Variants in FAM171A1 observed in about 807,000 individuals in gnomAD.
FAM171A1 encodes protein FAM171A1.
In FAM171A1, 23 loss-of-function variants were observed where a neutral mutation model predicts 74.9. The observed-to-expected ratio is 0.31, with a 90% confidence interval of 0.22 to 0.44. The LOEUF (loss-of-function observed/expected upper bound fraction) is 0.44, where lower values mean the gene tolerates loss of function less well. Among genes scored for constraint, FAM171A1 ranks in the 20% least tolerant of loss-of-function variants. The pLI, the probability that FAM171A1 is intolerant of heterozygous loss-of-function variation, is 1.00. For missense variants in FAM171A1, 1,162 were observed against 1,159.2 expected (o/e 1.00, Z -0.03); for synonymous variants, 527 against 505.7 (o/e 1.04, Z -0.57).
intron 1 of FAM171A1, among the ~76,000 whole-genome samples, chr10:15,305,164 T>C (rs1409900014): frequency 6.6e-6 from 1 of 152,218 alleles, no homozygotes; most frequent in Non-Finnish European, 1.5e-5. Flanking sequence ...AGATACGCCA[T>C]GAACAAGGTA....
At chr10:15,320,163 C>T (rs1481548565) in intron 1 of FAM171A1, among the ~76,000 whole-genome samples, 1 of 152,204 alleles carries the variant, frequency 6.6e-6, no homozygotes, top group African/African-American at 2.4e-5. Context: ...TGTCTCTTCC[C>T]TTCTTTGTGT....
intron 1 of FAM171A1, among the ~76,000 whole-genome samples, chr10:15,358,351 A>C (rs138055958): frequency 6.6e-6 from 1 of 152,340 alleles, no homozygotes. Flanking sequence ...GGTATTTCAC[A>C]CTTATTTCAG....
chr10:15,244,713 T>C (rs1164259189), intron 5 of FAM171A1, among the ~76,000 whole-genome samples: 3 of 152,048 alleles, frequency 2.0e-5, no homozygotes, highest in Non-Finnish European at 4.4e-5. Context: ...AGGGAGTGGC[T>C]GGTACCTGCA....
chr10:15,269,974 G>A (rs1278231469), intron 3 of FAM171A1, among the ~76,000 whole-genome samples: 2 of 152,212 alleles, frequency 1.3e-5, no homozygotes, highest in Admixed American at 6.5e-5. Context: ...CTCCCAAGGT[G>A]AGCGATGCAG....
chr10:15,356,017 CATTTGATG>C (rs1835928030), intron 1 of FAM171A1, among the ~76,000 whole-genome samples: 1 of 151,870 alleles, frequency 6.6e-6, no homozygotes, highest in Non-Finnish European at 1.5e-5. Flanking sequence ...ATCATTTGAT[CATTTGATG>C]GGCTAATAGA....
At position 15,350,029 on chromosome 10, in the gene FAM171A1, T is replaced by C. The variant is rs185484309; in HGVS notation, c.97+20927A>G. On this transcript the variant is annotated intron_variant, in intron 1 of 7. Transcript: ENST00000378116. Reference sequence around the variant, plus strand: ...TGGGTGAAGACGAATGATAATAATCTGTGAGAGGGAGATAGATCAGACACG... The same window carrying C: ...TGGGTGAAGACGAATGATAATAATCCGTGAGAGGGAGATAGATCAGACACG... Among the ~76,000 whole-genome samples the C allele has an allele frequency of 1.9e-3, 284 of 152,048 alleles. 3 individuals are homozygous for C. Among genetic ancestry groups the C allele is most frequent in the African/African-American group, 6.6e-3 (273 of 41,486 alleles).
intron 1 of FAM171A1, among the ~76,000 whole-genome samples, chr10:15,290,815 T>G (rs1835093436): frequency 1.3e-5 from 2 of 152,296 alleles, no homozygotes; most frequent in Admixed American, 6.5e-5. Flanking sequence ...TGTTTACCAC[T>G]GAATTAAAAC....
chr10:15,313,980 G>T (rs991600044), intron 1 of FAM171A1, among the ~76,000 whole-genome samples: 1 of 152,218 alleles, frequency 6.6e-6, no homozygotes. Context: ...GCAAGGCAAC[G>T]ACGGGATCTG....
intron 7 of FAM171A1, among the ~76,000 whole-genome samples, chr10:15,215,643 G>A (rs929306303): frequency 6.6e-6 from 1 of 152,162 alleles, no homozygotes; most frequent in African/African-American, 2.4e-5. Flanking sequence ...TGGGATTACA[G>A]GTGTGAGCCA....
chr10:15,255,758 C>T (rs905059237), intron 3 of FAM171A1, among the ~76,000 whole-genome samples: 4 of 152,024 alleles, frequency 2.6e-5, no homozygotes, highest in African/African-American at 9.7e-5. Context: ...AGCGATTCCC[C>T]TGCCTCAGTC....
At chr10:15,285,622 T>C (rs1297292277) in intron 1 of FAM171A1, among the ~76,000 whole-genome samples, 1 of 152,062 alleles carries the variant, frequency 6.6e-6, no homozygotes, top group Non-Finnish European at 1.5e-5. Flanking sequence ...AACCCTATTT[T>C]CTTAAGTAGG....
chr10:15,306,314 C>T (rs1451610416), intron 1 of FAM171A1, among the ~76,000 whole-genome samples: 2 of 151,884 alleles, frequency 1.3e-5, no homozygotes, highest in African/African-American at 2.4e-5. Flanking sequence ...AAAATGCTTA[C>T]ATCATTGTCA....
intron 5 of FAM171A1, among the ~76,000 whole-genome samples, chr10:15,240,534 G>A (rs1458187416): frequency 6.6e-6 from 1 of 152,090 alleles, no homozygotes; most frequent in African/African-American, 2.4e-5. Flanking sequence ...CCAATTTCAA[G>A]AATGGGAAAT....
At chr10:15,240,801 A>G (rs1358828963) in intron 5 of FAM171A1, 1 of 926,544 alleles carries the variant, frequency 1.1e-6, no homozygotes, top group Non-Finnish European at 1.3e-6. Context: ...GTGACTTGGG[A>G]GGCTGAGTTG....
At chr10:15,314,465 C>G (rs1266532906) in intron 1 of FAM171A1, among the ~76,000 whole-genome samples, 10 of 152,056 alleles carry the variant, frequency 6.6e-5, no homozygotes, top group African/African-American at 1.7e-4. Flanking sequence ...TGAATCAAGT[C>G]CATTGTATAA....
At chr10:15,332,039 T>G (rs976795905) in intron 1 of FAM171A1, among the ~76,000 whole-genome samples, 6 of 151,786 alleles carry the variant, frequency 4.0e-5, no homozygotes, top group African/African-American at 1.2e-4. Context: ...AACCTCTGCC[T>G]CCCAGGTTCA....
At chr10:15,283,174 A>G (rs1306200475) in intron 2 of FAM171A1, among the ~76,000 whole-genome samples, 1 of 152,090 alleles carries the variant, frequency 6.6e-6, no homozygotes, top group Non-Finnish European at 1.5e-5. Flanking sequence ...AGACTTCTTT[A>G]ATTCACACCA....
intron 6 of FAM171A1, among the ~76,000 whole-genome samples, chr10:15,218,195 T>C (rs1170338223): frequency 6.6e-6 from 1 of 152,118 alleles, no homozygotes; most frequent in Non-Finnish European, 1.5e-5. Context: ...TTCTCCTGCC[T>C]CAGCCTCCTG....
In FAM171A1 at chr10:15,271,204, C is replaced by A. The variant is rs566656883; in HGVS notation, c.418+4651G>T. Among the ~76,000 whole-genome samples the A allele has an allele frequency of 2.0e-5, 3 of 152,286 alleles. No homozygotes were observed. The South Asian group carries it at 6.2e-4, about 32-fold the overall frequency. ...GAAGACCTTAAATGACCTGATGGAGCTGAAAACCATGGCACAAGAACTACG... is the reference window on the plus strand; with the variant it reads ...GAAGACCTTAAATGACCTGATGGAGATGAAAACCATGGCACAAGAACTACG... On this transcript the variant is annotated intron_variant, in intron 3 of 7. Transcript: ENST00000378116.
Sources: gnomAD v4.1 joint callset for allele counts (sites outside exome capture counted in the v4.1 genomes callset) on GRCh38, gnomAD v4.1.1 for gene constraint, MANE v1.5 for transcripts, NCBI Gene and HGNC (gene_info 2026-07-23, HGNC 2026-07-21) for gene names.